Variants in MGMT observed in about 807,000 individuals in gnomAD.
MGMT encodes methylated-DNA--protein-cysteine methyltransferase.
Under a neutral mutation model 15.9 loss-of-function variants are expected in MGMT, and 14 were observed. The ratio of observed to expected loss-of-function variants is 0.88; its 90% CI spans 0.58 to 1.37. The LOEUF (loss-of-function observed/expected upper bound fraction) is 1.37, where lower values mean the gene tolerates loss of function less well. MGMT is among the 40% of genes most tolerant of loss of function. MGMT has a pLI of 0.00. For missense variants in MGMT, 282 were observed against 268.1 expected (o/e 1.05, Z -0.36); for synonymous variants, 130 against 118.2 (o/e 1.10, Z -0.65).
intron 2 of MGMT, among the ~76,000 whole-genome samples, chr10:129,614,203 A>G (rs1846994488): frequency 6.6e-6 from 1 of 152,122 alleles, no homozygotes; most frequent in Admixed American, 6.5e-5. Context: ...GGCTTATTTC[A>G]TGGAGTATCA....
At chr10:129,630,281 G>C (rs1238495443) in intron 2 of MGMT, among the ~76,000 whole-genome samples, 1 of 152,202 alleles carries the variant, frequency 6.6e-6, no homozygotes, top group African/African-American at 2.4e-5. Flanking sequence ...TGATCTCCCT[G>C]TAGAAGGTCG....
At chr10:129,651,768 T>C (rs942314048) in intron 2 of MGMT, among the ~76,000 whole-genome samples, 27 of 151,642 alleles carry the variant, frequency 1.8e-4, no homozygotes, top group Non-Finnish European at 2.6e-4. Context: ...AATTCACCCA[T>C]CAAAAGGAAG....
At chr10:129,559,691 A>T (rs531855373) in intron 2 of MGMT, among the ~76,000 whole-genome samples, 1 of 152,202 alleles carries the variant, frequency 6.6e-6, no homozygotes, top group African/African-American at 2.4e-5. Flanking sequence ...CATCTTAGTC[A>T]TCAGGAATGT....
At chr10:129,487,852 G>A (rs1265992632) in intron 1 of MGMT, among the ~76,000 whole-genome samples, 1 of 151,430 alleles carries the variant, frequency 6.6e-6, no homozygotes, top group African/African-American at 2.4e-5. Flanking sequence ...TTATGTGTGT[G>A]TTTTAAGTTG....
intron 2 of MGMT, among the ~76,000 whole-genome samples, chr10:129,610,664 G>A (rs1846949375): frequency 6.6e-6 from 1 of 152,244 alleles, no homozygotes; most frequent in Non-Finnish European, 1.5e-5. Flanking sequence ...CACTTATAAA[G>A]ACTTGATTTC....
chr10:129,742,062 A>G (rs1049802137), intron 3 of MGMT, among the ~76,000 whole-genome samples: 9 of 152,176 alleles, frequency 5.9e-5, no homozygotes, highest in East Asian at 1.9e-4. Context: ...TTGGCTCCCA[A>G]AATGCTAGAG....
chr10:129,498,237 G>A (rs888370709), intron 1 of MGMT, among the ~76,000 whole-genome samples: 1 of 152,220 alleles, frequency 6.6e-6, no homozygotes, highest in Admixed American at 6.5e-5. Flanking sequence ...TGTTAGCTTG[G>A]TCACTGGGTA....
intron 2 of MGMT, among the ~76,000 whole-genome samples, chr10:129,603,181 A>T (rs1161418039): frequency 1.3e-5 from 2 of 152,238 alleles, no homozygotes; most frequent in African/African-American, 4.8e-5. Flanking sequence ...GTTAATTTTT[A>T]TAGGGCAAGG....
intron 1 of MGMT, among the ~76,000 whole-genome samples, chr10:129,471,174 T>C (rs1250559556): frequency 6.6e-6 from 1 of 152,186 alleles, no homozygotes; most frequent in Non-Finnish European, 1.5e-5. Flanking sequence ...GTCGCAATAA[T>C]GTGTTTATGG....
intron 2 of MGMT, among the ~76,000 whole-genome samples, chr10:129,561,298 G>A (rs967264627): frequency 3.3e-5 from 5 of 152,150 alleles, no homozygotes; most frequent in Middle Eastern, 3.2e-3. Flanking sequence ...GGTGCGGGCA[G>A]CGACAGGGGT....
At chr10:129,677,180 T>TA (rs397725600) in intron 2 of MGMT, among the ~76,000 whole-genome samples, 9 of 151,800 alleles carry the variant, frequency 5.9e-5, no homozygotes, top group East Asian at 1.9e-4. Context: ...GTTTTTTTTT[T>TA]AAAGACAATT....
intron 2 of MGMT, among the ~76,000 whole-genome samples, chr10:129,624,123 C>T (rs1157220372): frequency 6.6e-6 from 1 of 152,240 alleles, no homozygotes; most frequent in Non-Finnish European, 1.5e-5. Context: ...CCCATCAGTT[C>T]CTTTTCCTTT....
At chr10:129,677,870 T>A (rs1847803404) in intron 2 of MGMT, among the ~76,000 whole-genome samples, 1 of 152,134 alleles carries the variant, frequency 6.6e-6, no homozygotes, top group African/African-American at 2.4e-5. Context: ...CCAGCAGCAC[T>A]GCCCTTCAGC....
chr10:129,491,909 A>T (rs1056983386), intron 1 of MGMT, among the ~76,000 whole-genome samples: 2 of 151,798 alleles, frequency 1.3e-5, no homozygotes, highest in Admixed American at 6.6e-5. Flanking sequence ...ATCTGCTAGC[A>T]CCAGTATTGT....
rs150920712 is a variant in MGMT, at chr10:129,520,078, C to G, written c.-12-16163C>G. Among the ~76,000 whole-genome samples the G allele has an allele frequency of 3.0e-3, 458 of 152,320 alleles. 2 individuals are homozygous for G. The highest frequency in any genetic ancestry group is 0.01 in the African/African-American group (435 of 41,570). On this transcript the variant is annotated intron_variant, in intron 1 of 4. Coordinates refer to ENST00000651593, the MANE Select transcript of MGMT (RefSeq NM_002412.5). ...CATCACTGTTGAGGTTGTAGTGCCACAGGCAGTGCAGCAAGCATCTGGTTT... is the reference window on the plus strand; with the variant it reads ...CATCACTGTTGAGGTTGTAGTGCCAGAGGCAGTGCAGCAAGCATCTGGTTT...
At chr10:129,624,973 C>G (rs1323850183) in intron 2 of MGMT, among the ~76,000 whole-genome samples, 1 of 152,098 alleles carries the variant, frequency 6.6e-6, no homozygotes, top group Non-Finnish European at 1.5e-5. Flanking sequence ...TTAACAAAGG[C>G]AGAAATTATG....
chr10:129,756,892 G>A (rs1340348982), intron 3 of MGMT, among the ~76,000 whole-genome samples: 1 of 152,210 alleles, frequency 6.6e-6, no homozygotes, highest in Non-Finnish European at 1.5e-5. Context: ...TAATGTCTAT[G>A]AGTGGATTTC....
intron 3 of MGMT, among the ~76,000 whole-genome samples, chr10:129,747,491 A>G (rs1007403804): frequency 6.6e-5 from 10 of 152,190 alleles, no homozygotes; most frequent in African/African-American, 2.4e-4. Context: ...TTCGTTTTTA[A>G]TAGCCTTTGT....
intron 3 of MGMT, among the ~76,000 whole-genome samples, chr10:129,748,850 C>T (rs1352294772): frequency 6.6e-6 from 1 of 152,128 alleles, no homozygotes; most frequent in Admixed American, 6.5e-5. Flanking sequence ...CACTTTCTGC[C>T]ATCCATTTAC....
Sources: gnomAD v4.1 joint callset for allele counts (sites outside exome capture counted in the v4.1 genomes callset) on GRCh38, gnomAD v4.1.1 for gene constraint, MANE v1.5 for transcripts, NCBI Gene and HGNC (gene_info 2026-07-23, HGNC 2026-07-21) for gene names.